Variants in CABCOCO1 observed in about 807,000 individuals in gnomAD.
CABCOCO1 encodes the protein ciliary associated calcium binding coiled-coil 1.
In CABCOCO1, 28 loss-of-function variants were observed where a neutral mutation model predicts 35.7. The ratio of observed to expected loss-of-function variants is 0.78; its 90% confidence interval spans 0.58 to 1.07. The LOEUF is 1.07. CABCOCO1 is among the 50% of genes least tolerant of loss of function. The pLI is 0.00. For synonymous variants in CABCOCO1, 95 were observed against 100.1 expected, an observed-to-expected ratio of 0.95 and a Z score of 0.30; for missense variants, 326 against 309.2, an observed-to-expected ratio of 1.05 and a Z score of -0.41.
At chr10:61,731,635 T>C (rs1390394943) in intron 5 of CABCOCO1, among the ~76,000 whole-genome samples, 1 of 151,810 alleles carries the variant, frequency 6.6e-6, no homozygotes, top group East Asian at 1.9e-4. Flanking sequence ...TAGTGCTTAA[T>C]GGAGCATTTT....
At chr10:61,722,573 T>C (rs1841048140) in intron 5 of CABCOCO1, among the ~76,000 whole-genome samples, 1 of 151,524 alleles carries the variant, frequency 6.6e-6, no homozygotes, top group African/African-American at 2.4e-5. Context: ...AGCAAAGAAA[T>C]CAGAAGAAAG....
intron 5 of CABCOCO1, among the ~76,000 whole-genome samples, chr10:61,741,396 G>A (rs1841546527): frequency 2.0e-5 from 3 of 152,114 alleles, no homozygotes; most frequent in African/African-American, 7.2e-5. Flanking sequence ...TTCCAAGGAG[G>A]GCATCAACAC....
At chr10:61,702,779 G>C (rs560280305) in intron 5 of CABCOCO1, among the ~76,000 whole-genome samples, 18 of 152,218 alleles carry the variant, frequency 1.2e-4, no homozygotes, top group African/African-American at 4.1e-4. Flanking sequence ...GCATGCAAGT[G>C]AAGAGTCAAT....
intron 1 of CABCOCO1, among the ~76,000 whole-genome samples, chr10:61,667,198 A>C (rs1564527497): frequency 6.8e-6 from 1 of 146,308 alleles, no homozygotes. Flanking sequence ...TATAAATATA[A>C]TTATAAATTA....
chr10:61,677,236 T>A lies in CABCOCO1; in HGVS notation c.165-3907T>A, dbSNP rs555014810. Among the ~76,000 whole-genome samples the A allele has an allele frequency of 1.6e-4, 25 of 152,228 alleles. No homozygotes were observed. The South Asian group carries it at 3.7e-3, about 23-fold the overall frequency. On this transcript the variant is annotated intron_variant, in intron 2 of 7. Coordinates refer to ENST00000648843, the MANE Select transcript of CABCOCO1 (RefSeq NM_001366906.2). Reference sequence around the variant, plus strand: ...TTCTGGAGGGAAGTTTAGCAGCATATCTCACCATGGCCAATATAACCCAGC... The same window carrying A: ...TTCTGGAGGGAAGTTTAGCAGCATAACTCACCATGGCCAATATAACCCAGC...
chr10:61,671,422 T>C (rs563565477), intron 1 of CABCOCO1, among the ~76,000 whole-genome samples: 4 of 152,232 alleles, frequency 2.6e-5, no homozygotes, highest in African/African-American at 9.6e-5. Flanking sequence ...CTAGACTCTA[T>C]TCACAGGCAG....
chr10:61,710,253 AGTGTGTGTGTGTGT>A (rs55784501), intron 5 of CABCOCO1, among the ~76,000 whole-genome samples: 58,830 of 146,506 alleles, frequency 0.4, 13,573 homozygotes, highest in Non-Finnish European at 0.52. Flanking sequence ...TGTGTGTGTG[AGTGTGTGTGTGTGT>A]GTGTGTGTGT....
At chr10:61,728,747 TC>T (rs1841223801) in intron 5 of CABCOCO1, among the ~76,000 whole-genome samples, 1 of 152,086 alleles carries the variant, frequency 6.6e-6, no homozygotes. Flanking sequence ...AGCTTATCCA[TC>T]CACGAGCCAC....
chr10:61,680,433 A>G (rs1344768310), intron 2 of CABCOCO1, among the ~76,000 whole-genome samples: 1 of 89,162 alleles, frequency 1.1e-5, no homozygotes, highest in African/African-American at 3.7e-5. Context: ...TTTATATATT[A>G]ACATATATAA....
chr10:61,667,016 A>G (rs1839201736), intron 1 of CABCOCO1, among the ~76,000 whole-genome samples: 1 of 135,120 alleles, frequency 7.4e-6, no homozygotes, highest in South Asian at 2.2e-4. Context: ...TTCATATAGT[A>G]TATATAAATA....
chr10:61,696,859 C>G (rs1840309631), intron 5 of CABCOCO1, among the ~76,000 whole-genome samples: 1 of 151,838 alleles, frequency 6.6e-6, no homozygotes, highest in South Asian at 2.1e-4. Context: ...AAAAGGCAAA[C>G]AAGGCAACGG....
intron 1 of CABCOCO1, among the ~76,000 whole-genome samples, chr10:61,663,766 T>G (rs1314237112): frequency 9.9e-5 from 15 of 152,172 alleles, no homozygotes; most frequent in African/African-American, 3.6e-4. Flanking sequence ...TTAAGTAACT[T>G]TACTCATAAA....
chr10:61,713,870 G>A (rs184514500), intron 5 of CABCOCO1, among the ~76,000 whole-genome samples: 4 of 152,084 alleles, frequency 2.6e-5, no homozygotes, highest in Non-Finnish European at 4.4e-5. Context: ...CAACCTGATC[G>A]TGGTGGATAA....
intron 5 of CABCOCO1, among the ~76,000 whole-genome samples, chr10:61,704,546 C>T (rs868792248): frequency 3.9e-5 from 6 of 152,098 alleles, no homozygotes; most frequent in African/African-American, 1.4e-4. Context: ...TCTAATTGAT[C>T]CCTGAGATGA....
chr10:61,680,568 A>G (rs1338458760), intron 2 of CABCOCO1, among the ~76,000 whole-genome samples: 9 of 16,396 alleles, frequency 5.5e-4, no homozygotes, highest in Non-Finnish European at 9.1e-4. Context: ...ATATATTTGT[A>G]TATATTATGT....
chr10:61,759,083 T>G (rs1841956214), intron 5 of CABCOCO1, among the ~76,000 whole-genome samples: 1 of 152,020 alleles, frequency 6.6e-6, no homozygotes, highest in Non-Finnish European at 1.5e-5. Context: ...TTCAAACTTA[T>G]GTTTGAAGCT....
chr10:61,755,324 C>T (rs1208218050), intron 5 of CABCOCO1, among the ~76,000 whole-genome samples: 1 of 152,064 alleles, frequency 6.6e-6, no homozygotes, highest in Admixed American at 6.6e-5. Flanking sequence ...CACACAAGTA[C>T]TTCTTAATTA....
At chr10:61,674,156 C>T (rs1427733120) in intron 2 of CABCOCO1, among the ~76,000 whole-genome samples, 2 of 152,054 alleles carry the variant, frequency 1.3e-5, no homozygotes, top group East Asian at 1.9e-4. Flanking sequence ...TTTCTTCCCA[C>T]GTTGTAAATT....
intron 5 of CABCOCO1, among the ~76,000 whole-genome samples, chr10:61,732,763 C>T (rs371374364): frequency 6.6e-6 from 1 of 152,040 alleles, no homozygotes; most frequent in African/African-American, 2.4e-5. Flanking sequence ...CTCACAAAGA[C>T]AGATGGCAAT....
Sources: gnomAD v4.1 joint callset for allele counts (sites outside exome capture counted in the v4.1 genomes callset) on GRCh38, gnomAD v4.1.1 for gene constraint, MANE v1.5 for transcripts, NCBI Gene and HGNC (gene_info 2026-07-23, HGNC 2026-07-21) for gene names.